The following PCDH7 variants were observed in gnomAD, a reference collection of about 807,000 sequenced individuals.
PCDH7 encodes the protein protocadherin 7, also known as protocadherin-7.
In PCDH7, 17 loss-of-function variants were observed where a neutral mutation model predicts 58.9. That is an observed-to-expected ratio of 0.29 (90% CI 0.20 to 0.43). The LOEUF is 0.43. Among genes scored for constraint, PCDH7 ranks in the 20% least tolerant of loss-of-function variants. The pLI, the probability that PCDH7 is intolerant of heterozygous loss-of-function variation, is 1.00. For missense variants in PCDH7, 1,274 were observed against 1,441.0 expected (o/e 0.88, Z 1.88); for synonymous variants, 664 against 616.4 (o/e 1.08, Z -1.14).
At position 30,721,634 on chromosome 4, in the gene PCDH7, G is replaced by A. The variant is rs768159327; in HGVS notation, c.212G>A (p.Gly71Asp). ...GAGGTGACTTTCAGCCTGGAGTCCG[G>A]TTCCGAGTACCTGAAGATCGACAAC... The change falls in exon 1 of 2, where the codon GGT (glycine) becomes GAT (aspartate). Residue 71 changes from glycine (G) to aspartate (D), a missense_variant. Coordinates refer to ENST00000361762, the Ensembl canonical transcript of PCDH7. The surrounding 1 kb of genome is among the most constrained non-coding windows in gnomAD (Gnocchi z 6.7). 1.9e-6 allele frequency: 3 copies of A among 1,613,708 alleles called. No individual in the cohort carries two copies. The highest frequency in any genetic ancestry group is 2.5e-6 in the Non-Finnish European group (3 of 1,179,976).
intron 1 of PCDH7, among the ~76,000 whole-genome samples, chr4:30,762,199 A>G (rs1412670281): frequency 4.6e-5 from 7 of 152,208 alleles, no homozygotes; most frequent in Non-Finnish European, 8.8e-5. Flanking sequence ...TGTTATTAAA[A>G]TGCTGAAACT....
At chr4:31,058,215 A>G (rs1260962318) in intron 3 of PCDH7, among the ~76,000 whole-genome samples, 1 of 152,082 alleles carries the variant, frequency 6.6e-6, no homozygotes, top group Non-Finnish European at 1.5e-5. Context: ...ATACCAATGA[A>G]CAACTTTCAT....
intron 3 of PCDH7, among the ~76,000 whole-genome samples, chr4:31,007,106 A>G (rs191461603): frequency 2.6e-5 from 4 of 152,298 alleles, no homozygotes; most frequent in Admixed American, 6.5e-5. Flanking sequence ...GGTGGCTACA[A>G]GCACAGAAAA....
intron 1 of PCDH7, among the ~76,000 whole-genome samples, chr4:30,874,737 A>G (rs778816467): frequency 6.6e-6 from 1 of 151,832 alleles, no homozygotes; most frequent in South Asian, 2.1e-4. Context: ...AAAAGATAGC[A>G]TTATTATTCA....
At chr4:31,015,075 T>C (rs1002275323) in intron 3 of PCDH7, among the ~76,000 whole-genome samples, 2 of 152,208 alleles carry the variant, frequency 1.3e-5, no homozygotes, top group South Asian at 4.1e-4. Context: ...ATATCACCAA[T>C]GATAATACCT....
intron 3 of PCDH7, among the ~76,000 whole-genome samples, chr4:31,095,095 T>C (rs1713786194): frequency 6.6e-6 from 1 of 151,384 alleles, no homozygotes; most frequent in Non-Finnish European, 1.5e-5. Flanking sequence ...GAGAACTGAA[T>C]TATAGATCTA....
chr4:30,884,164 T>C (rs1326552718), intron 1 of PCDH7, among the ~76,000 whole-genome samples: 1 of 152,236 alleles, frequency 6.6e-6, no homozygotes, highest in African/African-American at 2.4e-5. Flanking sequence ...GCTGAAATTT[T>C]TGAGCACCTT....
chr4:30,937,965 C>T (rs1453996539), intron 2 of PCDH7, among the ~76,000 whole-genome samples: 1 of 151,324 alleles, frequency 6.6e-6, no homozygotes, highest in Admixed American at 6.6e-5. Flanking sequence ...CAGCCCTCAT[C>T]TGCCAATTCT....
At chr4:31,137,285 A>T (rs1321911704) in intron 3 of PCDH7, among the ~76,000 whole-genome samples, 1 of 152,238 alleles carries the variant, frequency 6.6e-6, no homozygotes, top group Admixed American at 6.5e-5. Flanking sequence ...TTTGTCTCTA[A>T]AGGAAAGAAA....
intron 3 of PCDH7, among the ~76,000 whole-genome samples, chr4:31,096,070 A>T (rs188555167): frequency 6.6e-6 from 1 of 152,292 alleles, no homozygotes; most frequent in East Asian, 1.9e-4. Context: ...AAGTGTTACA[A>T]TAACCTAATT....
intron 3 of PCDH7, among the ~76,000 whole-genome samples, chr4:31,036,836 G>A (rs934586322): frequency 1.3e-5 from 2 of 152,148 alleles, no homozygotes; most frequent in East Asian, 1.9e-4. Flanking sequence ...AGTTCCACAT[G>A]TCTGGGGAGG....
At chr4:31,066,730 A>G (rs778283594) in intron 3 of PCDH7, among the ~76,000 whole-genome samples, 37 of 151,894 alleles carry the variant, frequency 2.4e-4, no homozygotes, top group Non-Finnish European at 4.4e-4. Context: ...AACATCCCAA[A>G]TATGCTTTCA....
chr4:31,067,782 A>G (rs1417893658), intron 3 of PCDH7, among the ~76,000 whole-genome samples: 1 of 151,916 alleles, frequency 6.6e-6, no homozygotes, highest in African/African-American at 2.4e-5. Flanking sequence ...ATCTGTGGGG[A>G]ATTTTGAGAC....
chr4:30,914,264 G>A (rs76124727), intron 1 of PCDH7, among the ~76,000 whole-genome samples: 3,783 of 152,248 alleles, frequency 0.025, 53 homozygotes, highest in African/African-American at 0.038. Flanking sequence ...ATGATGGTAC[G>A]TACAATGCTG....
rs567514061 is a variant in PCDH7, at chr4:30,730,467, A to G, written c.3175-286A>G. 2.0e-5 allele frequency among the ~76,000 whole-genome samples: 3 copies of G among 152,276 alleles called. No homozygotes were observed. In the East Asian group the frequency reaches 5.8e-4, roughly 29 times the overall value. On this transcript the variant is annotated intron_variant, in intron 1 of 1. Coordinates refer to ENST00000361762, the Ensembl canonical transcript of PCDH7. Reference sequence around the variant, plus strand: ...TCACTTCTGGTGAATTAATGTTTTAAAGGCGGAATCAAGGTTTATTTTCAG... The same window carrying G: ...TCACTTCTGGTGAATTAATGTTTTAGAGGCGGAATCAAGGTTTATTTTCAG...
chr4:30,760,405 G>T (rs1228604327), intron 1 of PCDH7, among the ~76,000 whole-genome samples: 1 of 152,184 alleles, frequency 6.6e-6, no homozygotes, highest in Non-Finnish European at 1.5e-5. Flanking sequence ...GAGCCAAATT[G>T]TCTTTGTTTA....
Position 30,785,913 on chromosome 4 carries a change from A to G in PCDH7, c.70+61317A>G, listed in dbSNP as rs1185012225. On this transcript the variant is annotated intron_variant, in intron 1 of 3. Coordinates refer to the PCDH7 transcript ENST00000509759. ...ACTTACTAAGATTTTACTAACATCA[A>G]TTGTACCACCATCGAATTGGAAAAA... Among the ~76,000 whole-genome samples, 5 of 152,036 alleles carry G rather than the reference A, an allele frequency of 3.3e-5. No individual in the cohort carries two copies. The South Asian group carries it at 1.0e-3, about 31-fold the overall frequency.
intron 3 of PCDH7, among the ~76,000 whole-genome samples, chr4:31,094,673 A>AT (rs1299705383): frequency 9.4e-6 from 1 of 106,052 alleles, no homozygotes; most frequent in African/African-American, 7.6e-5. Context: ...AGCATTAGCA[A>AT]AAACCTGCCC....
intron 3 of PCDH7, among the ~76,000 whole-genome samples, chr4:30,969,433 TG>T (rs1749345783): frequency 6.6e-6 from 1 of 152,152 alleles, no homozygotes; most frequent in African/African-American, 2.4e-5. Flanking sequence ...AAGGACACAC[TG>T]GGAAAGCAAT....
Sources: gnomAD v4.1 joint callset for allele counts (sites outside exome capture counted in the v4.1 genomes callset) on GRCh38, gnomAD v4.1.1 for gene constraint, Gnocchi (gnomAD v3.1) non-coding constraint, MANE v1.5 for transcripts, NCBI Gene and HGNC (gene_info 2026-07-23, HGNC 2026-07-21) for gene names.